TECPR2: variants seen among roughly 807,000 people sequenced by gnomAD.
TECPR2 encodes tectonin beta-propeller repeat containing 2.
Under a neutral mutation model 138.1 loss-of-function variants are expected in TECPR2, and 65 were observed. The ratio of observed to expected loss-of-function variants is 0.47; its 90% confidence interval spans 0.39 to 0.58. The LOEUF (loss-of-function observed/expected upper bound fraction) is 0.58. Among genes scored for constraint, TECPR2 ranks in the 20% least tolerant of loss-of-function variants. The pLI, the probability that TECPR2 is intolerant of heterozygous loss-of-function variation, is 0.00. For missense variants in TECPR2, 1,553 were observed against 1,824.5 expected (o/e 0.85, Z 2.71); for synonymous variants, 746 against 749.8 (o/e 0.99, Z 0.08).
intron 17 of TECPR2, among the ~76,000 whole-genome samples, chr14:102,495,535 C>A (rs1891256840): frequency 6.6e-6 from 1 of 152,160 alleles, no homozygotes; most frequent in African/African-American, 2.4e-5. Context: ...GGCCTGTGAT[C>A]ACTCTGCAAA....
rs115378843 is a variant in TECPR2 at position 102,446,057 on chromosome 14, A to G, written c.3075+110A>G. The G allele has an allele frequency of 0.034, 42,505 of 1,253,158 alleles. 913 individuals carry two copies. The highest frequency in any genetic ancestry group is 0.056 in the African/African-American group (3,620 of 64,366). 77.6% of individuals were successfully genotyped at this position (1,253,158 alleles called of 1,614,324 possible). A position where few individuals can be genotyped will look rare whatever the true frequency, so the allele number is the denominator to read the frequency against. On this transcript the variant is annotated intron_variant, in intron 13 of 19. Transcript: ENST00000359520. Reference sequence around the variant, plus strand: ...ATACTAGATTAAATTTAAAATACTCACTTTTTTATTATTTGTTTGTTTGTT... The same window carrying G: ...ATACTAGATTAAATTTAAAATACTCGCTTTTTTATTATTTGTTTGTTTGTT...
At chr14:102,400,212 A>C (rs577419029) in intron 2 of TECPR2, among the ~76,000 whole-genome samples, 391 of 151,960 alleles carry the variant, frequency 2.6e-3, no homozygotes, top group African/African-American at 8.9e-3. Context: ...CACCCAGCTA[A>C]TTTTTGTATT....
intron 17 of TECPR2, among the ~76,000 whole-genome samples, chr14:102,474,612 G>A (rs770853072): frequency 2.0e-5 from 3 of 152,204 alleles, no homozygotes; most frequent in South Asian, 2.1e-4. Flanking sequence ...CAACAAGAGC[G>A]AAACTCCATC....
Position 102,419,957 on chromosome 14 carries a change from C to G in TECPR2, c.639-5022C>G, listed in dbSNP as rs571073583. ...AGCAGCCGGTTCTGGAACCCCGCGA[C>G]TAGCACATCTGTTTGGATGGCCAGT... On this transcript the variant is annotated intron_variant, in intron 5 of 19. Coordinates refer to ENST00000359520, the MANE Select transcript of TECPR2 (RefSeq NM_014844.5). This position sits in a 1 kb window ranked among gnomAD's most constrained non-coding sequence, Gnocchi z 4.8. Among the ~76,000 whole-genome samples, 3 of 152,314 alleles carry G rather than the reference C, an allele frequency of 2.0e-5. No individual in the cohort carries two copies. The East Asian group carries it at 5.8e-4, about 29-fold the overall frequency.
chr14:102,400,844 C>G (rs1888457978), intron 2 of TECPR2, among the ~76,000 whole-genome samples: 1 of 150,568 alleles, frequency 6.6e-6, no homozygotes, highest in African/African-American at 2.4e-5. Context: ...CTAGCCTGGC[C>G]AAGATGGTGT....
rs1887779218 is a variant in TECPR2, at chr14:102,380,614, G to A, written c.219+3674G>A. ...CTACAATTCAAGATGAAATTTGGGT[G>A]AGGACACAGCCAAACCATATCAGAA... On this transcript the variant is annotated intron_variant, in intron 2 of 19. Transcript: ENST00000359520. Among the ~76,000 whole-genome samples, 3 of 152,238 alleles carry A rather than the reference G, an allele frequency of 2.0e-5. No individual in the cohort carries two copies. The South Asian group carries it at 6.2e-4, about 31-fold the overall frequency.
rs1353181780 is a variant in TECPR2, at chr14:102,428,236, T to C, written c.952-14T>C. The C allele has an allele frequency of 1.5e-6, 2 of 1,378,936 alleles. No individual in the cohort carries two copies. Among genetic ancestry groups the C allele is most frequent in the East Asian group, 2.8e-5 (1 of 36,362 alleles). 85.4% of individuals were successfully genotyped at this position (1,378,936 alleles called of 1,614,324 possible). ...TTGTGTTTTTTGTTTTTTTTTTTTTTTTTTTTTTGACAGGCCACAGTTGCT... is the reference window on the plus strand; with the variant it reads ...TTGTGTTTTTTGTTTTTTTTTTTTTCTTTTTTTTGACAGGCCACAGTTGCT... On this transcript the variant is annotated splice_polypyrimidine_tract_variant and intron_variant, in intron 6 of 19. Coordinates refer to ENST00000359520, the MANE Select transcript of TECPR2 (RefSeq NM_014844.5).
At chr14:102,422,002 A>G (rs1207548510) in intron 5 of TECPR2, among the ~76,000 whole-genome samples, 1 of 152,172 alleles carries the variant, frequency 6.6e-6, no homozygotes, top group African/African-American at 2.4e-5. Context: ...ATCCTGAGAA[A>G]TAACGAGAAC....
chr14:102,412,330 G>T lies in TECPR2; in HGVS notation c.481-2306G>T, dbSNP rs573244552. On this transcript the variant is annotated intron_variant, in intron 4 of 19. Transcript: ENST00000359520. ...TGTATTTTTATAGAGACAGGGCTTC[G>T]CCATGTTGCACAGGCTGGTCTTGAA... is the stretch of plus-strand genomic sequence containing the variant. Among the ~76,000 whole-genome samples, 13 of 152,002 alleles carry T rather than the reference G, an allele frequency of 8.6e-5. No homozygotes were observed. The South Asian group carries it at 2.7e-3, about 32-fold the overall frequency.
chr14:102,435,417 C>A (rs537434090), intron 9 of TECPR2, among the ~76,000 whole-genome samples: 17 of 152,342 alleles, frequency 1.1e-4, no homozygotes, highest in African/African-American at 3.8e-4. Flanking sequence ...ACCTGTTCTA[C>A]CCTGCTCAGT....
intron 8 of TECPR2, among the ~76,000 whole-genome samples, chr14:102,432,684 G>A (rs1045077709): frequency 3.0e-4 from 45 of 150,938 alleles, no homozygotes; most frequent in African/African-American, 9.7e-4. Flanking sequence ...GTGAGCCACC[G>A]CGCCTGGCAT....
At position 102,438,213 on chromosome 14, in the gene TECPR2, TCC is replaced by T. The variant is rs745855266; in HGVS notation, c.2578+11_2578+12del. Reference sequence around the variant, plus strand: ...TGGCAGTCTCGCCCTCAGGTTCGCCTCCCCGCTCCCTGCTCCCGCTCCCTGCT... The same window carrying T: ...TGGCAGTCTCGCCCTCAGGTTCGCCTCCGCTCCCTGCTCCCGCTCCCTGCT... On this transcript the variant is annotated intron_variant, in intron 10 of 19. Transcript: ENST00000359520. The T allele has an allele frequency of 1.3e-6, 2 of 1,596,392 alleles. No homozygotes were observed.
intron 15 of TECPR2, 112 bp downstream of exon 15, chr14:102,450,761 T>A: frequency 9.5e-7 from 1 of 1,053,456 alleles, no homozygotes; most frequent in Admixed American, 2.0e-5. Flanking sequence ...CCTCGGAGAC[T>A]GACCACGTGA....
intron 2 of TECPR2, among the ~76,000 whole-genome samples, chr14:102,382,619 T>C (rs921011348): frequency 1.3e-5 from 2 of 152,242 alleles, no homozygotes; most frequent in Non-Finnish European, 2.9e-5. Flanking sequence ...CAAGTGCACA[T>C]GGAACATTCA....
chr14:102,442,274 G>T (rs1373511519), intron 11 of TECPR2, among the ~76,000 whole-genome samples: 6 of 152,246 alleles, frequency 3.9e-5, no homozygotes, highest in Non-Finnish European at 8.8e-5. Flanking sequence ...ACCGGCCTCA[G>T]GAGCATGTTT....
Position 102,407,286 on chromosome 14 carries a change from AT to A in TECPR2, c.220-48del, listed in dbSNP as rs557423298. 3.1e-5 allele frequency: 48 copies of A among 1,533,272 alleles called. 1 individual carries two copies. In the South Asian group the frequency reaches 5.2e-4, roughly 17 times the overall value. The allele number at this position is 1,533,272 out of a possible 1,614,324, so 95.0% of individuals were successfully genotyped here. On this transcript the variant is annotated intron_variant, in intron 2 of 19. Coordinates refer to ENST00000359520, the MANE Select transcript of TECPR2 (RefSeq NM_014844.5). The stretch of plus-strand genomic sequence containing the variant: ...TTTAGTAATGTCCTCCTTGTTTTAC[AT>A]TTTCAAAGCCTGCATAGTTACAGAT...
chr14:102,413,177 C>A (rs1300513550), intron 4 of TECPR2, among the ~76,000 whole-genome samples: 1 of 151,912 alleles, frequency 6.6e-6, no homozygotes, highest in African/African-American at 2.4e-5. Context: ...ATAAATTTGT[C>A]AAAATTCATA....
intron 4 of TECPR2, among the ~76,000 whole-genome samples, chr14:102,412,101 G>T (rs1888888977): frequency 6.7e-6 from 1 of 148,244 alleles, no homozygotes. Context: ...ACAGAGTGAT[G>T]CAGATCTTCC....
At chr14:102,484,300 C>T (rs1890971222) in intron 17 of TECPR2, among the ~76,000 whole-genome samples, 1 of 152,180 alleles carries the variant, frequency 6.6e-6, no homozygotes, top group Admixed American at 6.5e-5. Context: ...TAGAGTCAGT[C>T]TTCTCTCATC....
Sources: allele counts gnomAD v4.1 joint callset (sites outside exome capture counted in the v4.1 genomes callset), GRCh38; gene constraint gnomAD v4.1.1; non-coding constraint Gnocchi (gnomAD v3.1); transcripts MANE v1.5; gene names NCBI Gene and HGNC (gene_info 2026-07-23, HGNC 2026-07-21).